DLG2: variants seen among roughly 807,000 people sequenced by gnomAD.
The protein encoded by DLG2 is discs large MAGUK scaffold protein 2, also known as disks large homolog 2.
In DLG2, 45 loss-of-function variants were observed where a neutral mutation model predicts 132.5. That is an observed-to-expected ratio of 0.34 (90% confidence interval 0.27 to 0.44). The LOEUF (loss-of-function observed/expected upper bound fraction) is 0.44, where lower values mean the gene tolerates loss of function less well. Ranked by LOEUF, DLG2 falls within the 20% of genes least tolerant of loss-of-function variation. The probability of loss-of-function intolerance (pLI) is 1.00; values close to 1 mark genes in which losing one functional copy is unlikely to be tolerated. For missense variants in DLG2, 1,045 were observed against 1,196.9 expected (o/e 0.87, Z 1.87); for synonymous variants, 424 against 419.6 (o/e 1.01, Z -0.13).
At chr11:83,842,603 T>C (rs978528125) in intron 16 of DLG2, among the ~76,000 whole-genome samples, 5 of 127,602 alleles carry the variant, frequency 3.9e-5, no homozygotes, top group Non-Finnish European at 4.9e-5. Flanking sequence ...CCGAGGCGGG[T>C]GGATCACGAG....
intron 8 of DLG2, among the ~76,000 whole-genome samples, chr11:84,198,372 C>G (rs1439092959): frequency 6.6e-6 from 1 of 151,956 alleles, no homozygotes; most frequent in Non-Finnish European, 1.5e-5. Context: ...TATAGTAATT[C>G]TCAAAAGAAG....
At chr11:85,490,093 T>A (rs562364872) in intron 3 of DLG2, among the ~76,000 whole-genome samples, 18 of 152,110 alleles carry the variant, frequency 1.2e-4, no homozygotes, top group African/African-American at 4.1e-4. Context: ...GAGGCTGAGG[T>A]GAGAGGATCA....
intron 3 of DLG2, among the ~76,000 whole-genome samples, chr11:85,300,219 A>G (rs2152790307): frequency 6.6e-6 from 1 of 152,310 alleles, no homozygotes; most frequent in South Asian, 2.1e-4. Context: ...ATGGGAAGAG[A>G]TATTTGATAA....
chr11:83,986,354 C>A (rs1592409551), intron 11 of DLG2, among the ~76,000 whole-genome samples: 1 of 152,044 alleles, frequency 6.6e-6, no homozygotes, highest in East Asian at 1.9e-4. Context: ...GTGATGATTT[C>A]CAATTTCATC....
chr11:85,062,306 T>C (rs2064236812), intron 6 of DLG2, among the ~76,000 whole-genome samples: 3 of 151,936 alleles, frequency 2.0e-5, no homozygotes, highest in African/African-American at 4.8e-5. Context: ...TAGATTTAAT[T>C]TGTGTTTGAT....
chr11:83,651,942 G>A (rs1403867079), intron 18 of DLG2: 1 of 453,312 alleles, frequency 2.2e-6, no homozygotes, highest in Admixed American at 2.4e-5. Context: ...TTTGCAGAAA[G>A]TAAGAAACAA....
intron 5 of DLG2, among the ~76,000 whole-genome samples, chr11:85,141,670 G>A (rs2076488263): frequency 6.6e-6 from 1 of 151,716 alleles, no homozygotes; most frequent in African/African-American, 2.4e-5. Flanking sequence ...TTTTCTTTCA[G>A]TAGTTTCATA....
intron 3 of DLG2, among the ~76,000 whole-genome samples, chr11:85,505,532 C>T (rs753461569): frequency 3.3e-5 from 5 of 152,066 alleles, no homozygotes; most frequent in East Asian, 1.9e-4. Context: ...TATTGATTTG[C>T]GTATGTTGAA....
Position 84,131,844 on chromosome 11 carries a change from T to G in DLG2, c.624+31617A>C, listed in dbSNP as rs2094435441. On this transcript the variant is annotated intron_variant, in intron 9 of 27. Coordinates refer to ENST00000376104, the MANE Select transcript of DLG2 (RefSeq NM_001142699.3). ...TCTTTTGTGATTTTTCAAAATTACT[T>G]ATTTATCTTTTAAATTGACATATAA... 2.6e-5 allele frequency among the ~76,000 whole-genome samples: 4 copies of G among 152,028 alleles called. No individual in the cohort carries two copies. The South Asian group carries it at 8.3e-4, about 31-fold the overall frequency.
At chr11:84,285,346 T>G (rs2097898868) in intron 7 of DLG2, among the ~76,000 whole-genome samples, 1 of 152,166 alleles carries the variant, frequency 6.6e-6, no homozygotes, top group Admixed American at 6.5e-5. Flanking sequence ...ATGGAATAAT[T>G]TGGACCTGTC....
At chr11:84,957,050 C>G (rs1431746209) in intron 6 of DLG2, among the ~76,000 whole-genome samples, 1 of 152,178 alleles carries the variant, frequency 6.6e-6, no homozygotes, top group Non-Finnish European at 1.5e-5. Flanking sequence ...TGTGCCAAAA[C>G]TGTCCTAAGA....
chr11:84,702,873 C>G (rs1365827099), intron 6 of DLG2, among the ~76,000 whole-genome samples: 1 of 151,622 alleles, frequency 6.6e-6, no homozygotes, highest in Non-Finnish European at 1.5e-5. Context: ...TACACAGTGT[C>G]TGGCATATGA....
intron 4 of DLG2, among the ~76,000 whole-genome samples, chr11:85,279,762 A>G (rs2152750437): frequency 6.6e-6 from 1 of 152,272 alleles, no homozygotes; most frequent in Non-Finnish European, 1.5e-5. Flanking sequence ...CAAGAGCCTC[A>G]TAGGTGCATT....
intron 6 of DLG2, among the ~76,000 whole-genome samples, chr11:84,831,137 A>G (rs550456743): frequency 6.9e-4 from 104 of 151,650 alleles, no homozygotes; most frequent in Middle Eastern, 3.4e-3. Flanking sequence ...ATATCAAAGT[A>G]ACACAGATGT....
intron 7 of DLG2, among the ~76,000 whole-genome samples, chr11:84,475,099 C>T (rs1313836208): frequency 6.6e-6 from 1 of 152,096 alleles, no homozygotes; most frequent in Non-Finnish European, 1.5e-5. Context: ...GAGCTGATAG[C>T]ACATGTTGAG....
intron 2 of DLG2, among the ~76,000 whole-genome samples, chr11:85,604,687 G>T (rs1284341095): frequency 5.3e-5 from 8 of 152,062 alleles, no homozygotes; most frequent in African/African-American, 1.9e-4. Context: ...GAGGAAATGG[G>T]GGGGAAGGGA....
At chr11:84,672,998 C>T (rs928931557) in intron 6 of DLG2, among the ~76,000 whole-genome samples, 14 of 151,952 alleles carry the variant, frequency 9.2e-5, no homozygotes, top group African/African-American at 2.7e-4. Context: ...AGGTGCCATA[C>T]ACTTTCAAAT....
At chr11:84,705,365 C>T (rs907438160) in intron 6 of DLG2, among the ~76,000 whole-genome samples, 5 of 151,618 alleles carry the variant, frequency 3.3e-5, no homozygotes, top group Admixed American at 6.6e-5. Context: ...TGGAACCAGG[C>T]CTCATCCTAC....
intron 11 of DLG2, among the ~76,000 whole-genome samples, chr11:84,003,086 G>A (rs1428491160): frequency 6.6e-6 from 1 of 152,058 alleles, no homozygotes; most frequent in East Asian, 1.9e-4. Context: ...GATTTCTAGG[G>A]CAGGGGCAAA....
Sources: allele counts gnomAD v4.1 joint callset (sites outside exome capture counted in the v4.1 genomes callset), GRCh38; gene constraint gnomAD v4.1.1; transcripts MANE v1.5; gene names NCBI Gene and HGNC (gene_info 2026-07-23, HGNC 2026-07-21).